MBP: variants seen among roughly 807,000 people sequenced by gnomAD.
MBP encodes the protein myelin basic protein.
MBP carries 16 observed loss-of-function variants against 35.8 expected under a neutral mutation model. The observed-to-expected ratio is 0.45, with a 90% CI of 0.30 to 0.68. The LOEUF is 0.68. Among genes scored for constraint, MBP ranks in the 30% least tolerant of loss-of-function variants. MBP has a pLI of 0.08. For synonymous variants in MBP, 143 were observed against 159.6 expected (o/e 0.90, Z 0.78); for missense variants, 380 against 404.7 (o/e 0.94, Z 0.52).
At chr18:76,984,931 C>T (rs371047347) in intron 7 of MBP, 37 bp from the exon 8 acceptor site, 35 of 1,608,686 alleles carry the variant, frequency 2.2e-5, no homozygotes, top group Non-Finnish European at 2.6e-5. Context: ...CCTCCACCCG[C>T]GGTGCTGGGC....
chr18:77,053,298 C>T lies in MBP; in HGVS notation c.139+13000G>A, dbSNP rs552828379. Among the ~76,000 whole-genome samples the T allele has an allele frequency of 6.6e-5, 10 of 152,348 alleles. No homozygotes were observed. In the East Asian group the frequency reaches 1.9e-3, roughly 29 times the overall value. ...GGCAGGGGCCCCACTGCAGGTCCAG[C>T]CAAGGGGCACACAGAAGCTGGACAT... On this transcript the variant is annotated intron_variant, in intron 3 of 8. Transcript: ENST00000355994.
chr18:77,048,467 T>G (rs1224956552), intron 3 of MBP, among the ~76,000 whole-genome samples: 1 of 151,620 alleles, frequency 6.6e-6, no homozygotes, highest in Non-Finnish European at 1.5e-5. Flanking sequence ...AGGTAGGATC[T>G]TTTTTTTTGT....
intron 3 of MBP, among the ~76,000 whole-genome samples, chr18:77,037,225 T>G (rs1031757556): frequency 8.6e-5 from 13 of 151,318 alleles, no homozygotes; most frequent in Non-Finnish European, 1.6e-4. Flanking sequence ...CTGGTCACGT[T>G]TTGGAGACTG....
rs1468370943 is a variant in MBP, at chr18:77,131,081, A to G, written c.-26+1499T>C. On this transcript the variant is annotated intron_variant, in intron 1 of 8. Transcript: ENST00000355994. This position sits in a 1 kb window ranked among gnomAD's most constrained non-coding sequence, Gnocchi z 5.5. The stretch of plus-strand genomic sequence containing the variant: ...ACAAAACACACACACGCGCGCACGC[A>G]CGCGCACACACACACACACACACAC... 1.8e-4 allele frequency among the ~76,000 whole-genome samples: 16 copies of G among 87,968 alleles called. No homozygotes were observed. In the East Asian group the frequency reaches 2.9e-3, roughly 16 times the overall value. 57.7% of individuals were successfully genotyped at this position (87,968 alleles called of 152,430 possible).
intron 4 of MBP, among the ~76,000 whole-genome samples, chr18:77,008,516 A>T (rs1971131960): frequency 6.6e-6 from 1 of 152,148 alleles, no homozygotes; most frequent in Non-Finnish European, 1.5e-5. Flanking sequence ...AGACCCCCTC[A>T]GGGTGCATGG....
intron 3 of MBP, among the ~76,000 whole-genome samples, chr18:77,051,979 G>C (rs1038717116): frequency 6.6e-6 from 1 of 152,140 alleles, no homozygotes; most frequent in Admixed American, 6.5e-5. Context: ...TCTCTCATTG[G>C]AACAAGTGGG....
At chr18:77,122,583 C>G (rs1976922337) in intron 1 of MBP, among the ~76,000 whole-genome samples, 2 of 152,248 alleles carry the variant, frequency 1.3e-5, no homozygotes, top group Non-Finnish European at 2.9e-5. Flanking sequence ...TGCTCTGTCA[C>G]TCAGGCTGGA....
At position 77,044,982 on chromosome 18, in the gene MBP, TGA is replaced by T. The variant is rs1414980104; in HGVS notation, c.139+21314_139+21315del. On this transcript the variant is annotated intron_variant, in intron 3 of 8. Transcript: ENST00000355994. This position sits in a 1 kb window ranked among gnomAD's most constrained non-coding sequence, Gnocchi z 4.4. Reference sequence around the variant, plus strand: ...GTGTGGTGTGTGAGTGTGGAGTGTGTGAGTGTTCAAGATTCCCTACATAACGG... The same window carrying T: ...GTGTGGTGTGTGAGTGTGGAGTGTGTGTGTTCAAGATTCCCTACATAACGG... Among the ~76,000 whole-genome samples, 1 of 144,280 alleles carries T rather than the reference TGA, an allele frequency of 6.9e-6. No individual in the cohort carries two copies. The highest frequency in any genetic ancestry group is 2.1e-4 in the East Asian group (1 of 4,776). 94.7% of individuals were successfully genotyped at this position (144,280 alleles called of 152,430 possible). A position where few individuals can be genotyped will look rare whatever the true frequency, so the allele number is the denominator to read the frequency against.
chr18:77,064,243 A>G (rs1974099655), intron 3 of MBP, among the ~76,000 whole-genome samples: 1 of 152,170 alleles, frequency 6.6e-6, no homozygotes, highest in Non-Finnish European at 1.5e-5. Context: ...AAACTCATAG[A>G]TTGTCTATTC....
intron 1 of MBP, among the ~76,000 whole-genome samples, chr18:77,116,688 G>A (rs554971374): frequency 1.3e-5 from 2 of 152,230 alleles, no homozygotes; most frequent in South Asian, 2.1e-4. Context: ...GCGAAACCCC[G>A]TCTCTGCTAA....
rs1286001166 is a variant in MBP at position 77,102,156 on chromosome 18, G to A, written c.51+3055C>T. 6.6e-6 allele frequency among the ~76,000 whole-genome samples: 1 copy of A among 151,878 alleles called. No homozygotes were observed. The highest frequency in any genetic ancestry group is 1.9e-4 in the East Asian group (1 of 5,180). ...GAGAGGTGGAGAAGGTGGCAGCAGGGTGGGAAGGAGGGGGCCCTCAGCAGC... is the reference window on the plus strand; with the variant it reads ...GAGAGGTGGAGAAGGTGGCAGCAGGATGGGAAGGAGGGGGCCCTCAGCAGC... On this transcript the variant is annotated intron_variant, in intron 2 of 8. Coordinates refer to ENST00000355994, the MANE Select transcript of MBP (RefSeq NM_001025101.2). The surrounding 1 kb of genome is among the most constrained non-coding windows in gnomAD (Gnocchi z 4.4).
At chr18:76,982,811 A>G (rs80135928) in intron 8 of MBP, 3 of 152,248 alleles carry the variant, frequency 2.0e-5, no homozygotes, top group East Asian at 1.9e-4. Context: ...TAGGCCAGTT[A>G]TGAACTTTTT....
intron 1 of MBP, 41 bp downstream of exon 1, chr18:77,132,539 A>C (rs925845064): frequency 6.6e-6 from 1 of 152,024 alleles, no homozygotes; most frequent in African/African-American, 2.4e-5. Flanking sequence ...CACAGAGACA[A>C]AGGCGGCAGA....
chr18:77,104,416 G>A (rs561611499), intron 2 of MBP, among the ~76,000 whole-genome samples: 84 of 152,306 alleles, frequency 5.5e-4, no homozygotes, highest in Admixed American at 5.2e-4. Context: ...CCAAGTAGCC[G>A]CACGCAGGAG....
chr18:77,024,806 C>T (rs1019402920), intron 3 of MBP, among the ~76,000 whole-genome samples: 4 of 152,208 alleles, frequency 2.6e-5, no homozygotes, highest in African/African-American at 9.6e-5. Context: ...GTCGCTGAGC[C>T]CAGATGTGCC....
At position 77,020,254 on chromosome 18, in the gene MBP, G is replaced by C. The variant is rs1227366051; in HGVS notation, c.140-2986C>G. 6.6e-6 allele frequency among the ~76,000 whole-genome samples: 1 copy of C among 152,110 alleles called. No homozygotes were observed. The highest frequency in any genetic ancestry group is 1.5e-5 in the Non-Finnish European group (1 of 68,002). The stretch of plus-strand genomic sequence containing the variant: ...AAGAAAGGTCTCTGGCCTGGGGTGG[G>C]GGAGTGGGGAGAGTGGCTGCAGGTG... On this transcript the variant is annotated intron_variant, in intron 3 of 8. Transcript: ENST00000355994. The surrounding 1 kb of genome is among the most constrained non-coding windows in gnomAD (Gnocchi z 4.1).
At chr18:77,008,384 A>G (rs1269500049) in intron 4 of MBP, among the ~76,000 whole-genome samples, 2 of 152,012 alleles carry the variant, frequency 1.3e-5, no homozygotes, top group African/African-American at 4.8e-5. Context: ...CTCAGAAACT[A>G]CCTGCGGGTA....
intron 3 of MBP, among the ~76,000 whole-genome samples, chr18:77,024,306 A>T (rs891148718): frequency 5.6e-4 from 83 of 149,158 alleles, no homozygotes; most frequent in African/African-American, 2.1e-3. Context: ...GTGACCCAAG[A>T]CAATTCTTCT....
intron 4 of MBP, chr18:77,002,890 C>T (rs1055891051): frequency 6.6e-6 from 1 of 152,186 alleles, no homozygotes; most frequent in African/African-American, 2.4e-5. Context: ...TGTAGACTTA[C>T]CTTGTAGTAA....
Sources: gnomAD v4.1 joint callset for allele counts (sites outside exome capture counted in the v4.1 genomes callset) on GRCh38, gnomAD v4.1.1 for gene constraint, Gnocchi (gnomAD v3.1) non-coding constraint, MANE v1.5 for transcripts, NCBI Gene and HGNC (gene_info 2026-07-23, HGNC 2026-07-21) for gene names.